The following SMAD2 variants were observed in gnomAD, a reference collection of about 807,000 sequenced individuals.
SMAD2 encodes the protein SMAD family member 2, also known as MAD homolog 2.
In SMAD2, 8 loss-of-function variants were observed where a neutral mutation model predicts 64.4. The observed-to-expected ratio is 0.12, with a 90% CI of 0.07 to 0.22. The LOEUF is 0.22. Ranked by LOEUF, SMAD2 falls within the 10% of genes least tolerant of loss-of-function variation. The pLI, the probability that SMAD2 is intolerant of heterozygous loss-of-function variation, is 1.00. For missense variants in SMAD2, 289 were observed against 561.2 expected (o/e 0.51, Z 4.90); for synonymous variants, 203 against 195.8 (o/e 1.04, Z -0.31).
intron 1 of SMAD2, among the ~76,000 whole-genome samples, chr18:47,922,134 A>C (rs1456400384): frequency 6.6e-6 from 1 of 152,254 alleles, no homozygotes; most frequent in Non-Finnish European, 1.5e-5. Context: ...TTTAAAAGGT[A>C]TGGAGGGAAG....
In SMAD2 at chr18:47,809,389, A is replaced by C. The variant is rs773641013; in HGVS notation, c.*32438T>G. On this transcript the variant is annotated 3_prime_UTR_variant, in exon 11 of 11. Transcript: ENST00000262160. ...TGGGGATGGTATTCTATATCCCTCC[A>C]ATCTGGAACTGGAACCAGGTAGAGA... The C allele has an allele frequency of 6.6e-6, 1 of 152,418 alleles. No homozygotes were observed. The highest frequency in any genetic ancestry group is 1.5e-5 in the Non-Finnish European group (1 of 68,210). The allele number at this position is 152,418 out of a possible 1,614,324, so 9.4% of individuals were successfully genotyped here. A position where few individuals can be genotyped will look rare whatever the true frequency, so the allele number is the denominator to read the frequency against.
chr18:47,897,797 T>C (rs1350119610), intron 1 of SMAD2, among the ~76,000 whole-genome samples: 1 of 152,154 alleles, frequency 6.6e-6, no homozygotes, highest in Non-Finnish European at 1.5e-5. Context: ...TTAAAAATTG[T>C]TTCGCTCCAG....
chr18:47,848,367 G>A lies in SMAD2; in HGVS notation c.997+108C>T, dbSNP rs191981331. 83 of 830,802 alleles carry A rather than the reference G, an allele frequency of 1.0e-4. No individual in the cohort carries two copies. The East Asian group carries it at 2.0e-3, about 20-fold the overall frequency. The allele number at this position is 830,802 out of a possible 1,614,324, so 51.5% of individuals were successfully genotyped here. A position where few individuals can be genotyped will look rare whatever the true frequency, so the allele number is the denominator to read the frequency against. On this transcript the variant is annotated intron_variant, in intron 8 of 10. Coordinates refer to ENST00000262160, the MANE Select transcript of SMAD2 (RefSeq NM_005901.6). ...ATGTGTCGGCACTTAAACCACCAGAGAGAAAGCTGGTTTTACTGCACACAA... is the reference window on the plus strand; with the variant it reads ...ATGTGTCGGCACTTAAACCACCAGAAAGAAAGCTGGTTTTACTGCACACAA...
chr18:47,875,007 T>C (rs1287429716), intron 2 of SMAD2, among the ~76,000 whole-genome samples: 3 of 152,152 alleles, frequency 2.0e-5, no homozygotes, highest in African/African-American at 7.2e-5. Context: ...TTACTTCCTA[T>C]ACTGCATCAT....
At position 47,829,384 on chromosome 18, in the gene SMAD2, T is replaced by C. The variant is rs1912898858; in HGVS notation, c.*12443A>G. On this transcript the variant is annotated 3_prime_UTR_variant, in exon 11 of 11. Coordinates refer to ENST00000262160, the MANE Select transcript of SMAD2 (RefSeq NM_005901.6). The stretch of plus-strand genomic sequence containing the variant: ...TTCTGTATCTCTAAAACATTGTCTC[T>C]AGACCTCAGCAAAAAAAAAAAAGCA... The C allele has an allele frequency of 6.6e-6, 1 of 151,034 alleles. No homozygotes were observed. The highest frequency in any genetic ancestry group is 2.4e-5 in the African/African-American group (1 of 40,886). 9.4% of individuals were successfully genotyped at this position (151,034 alleles called of 1,614,324 possible).
At chr18:47,908,704 T>C (rs1283606617) in intron 1 of SMAD2, among the ~76,000 whole-genome samples, 1 of 152,232 alleles carries the variant, frequency 6.6e-6, no homozygotes, top group African/African-American at 2.4e-5. Context: ...ACTACTGTAA[T>C]AATTTCATCG....
chr18:47,819,668 C>G lies in SMAD2; in HGVS notation c.*22159G>C, dbSNP rs1295775285. The G allele has an allele frequency of 6.6e-6, 1 of 152,018 alleles. No individual in the cohort carries two copies. The highest frequency in any genetic ancestry group is 1.5e-5 in the Non-Finnish European group (1 of 68,058). 9.4% of individuals were successfully genotyped at this position (152,018 alleles called of 1,614,324 possible). A position where few individuals can be genotyped will look rare whatever the true frequency, so the allele number is the denominator to read the frequency against. On this transcript the variant is annotated 3_prime_UTR_variant, in exon 11 of 11. Coordinates refer to ENST00000262160, the MANE Select transcript of SMAD2 (RefSeq NM_005901.6). ...AAAATTGGCTGGGCGCGGTGGCGGG[C>G]GCCTGTAGTCCCAGCTACTCGGGAG...
upstream of SMAD2, chr18:47,930,852 G>C (rs1845584552): frequency 6.7e-6 from 1 of 149,252 alleles, no homozygotes; most frequent in African/African-American, 2.4e-5. Flanking sequence ...CGCCGCCGCG[G>C]CCGCGCGGGT....
At chr18:47,916,194 G>A (rs1243395309) in intron 1 of SMAD2, among the ~76,000 whole-genome samples, 1 of 152,056 alleles carries the variant, frequency 6.6e-6, no homozygotes, top group Non-Finnish European at 1.5e-5. Context: ...ATGTTCTTTG[G>A]TGAGAATGCA....
At chr18:47,872,440 A>T (rs1461846236) in intron 2 of SMAD2, among the ~76,000 whole-genome samples, 4 of 152,232 alleles carry the variant, frequency 2.6e-5, no homozygotes, top group Non-Finnish European at 5.9e-5. Context: ...TGAAAAATAC[A>T]AAATTTAAAA....
intron 1 of SMAD2, among the ~76,000 whole-genome samples, chr18:47,914,925 C>T (rs12968493): frequency 0.44 from 66,505 of 151,876 alleles, 15,557 homozygotes; most frequent in East Asian, 0.59. Context: ...TCAAGTACTC[C>T]GACTATGCAA....
At position 47,822,811 on chromosome 18, in the gene SMAD2, G is replaced by A. The variant is rs534064586; in HGVS notation, c.*19016C>T. 30 of 152,278 alleles carry A rather than the reference G, an allele frequency of 2.0e-4. No homozygotes were observed. The highest frequency in any genetic ancestry group is 6.0e-4 in the African/African-American group (25 of 41,558). 9.4% of individuals were successfully genotyped at this position (152,278 alleles called of 1,614,324 possible). On this transcript the variant is annotated 3_prime_UTR_variant, in exon 11 of 11. Coordinates refer to ENST00000262160, the MANE Select transcript of SMAD2 (RefSeq NM_005901.6). ...TCTGTCTCAGCCTCCCAAGTAGCTG[G>A]GACTACAGGCATGCACCACCACACC...
chr18:47,886,640 A>C (rs1260533992), intron 2 of SMAD2, among the ~76,000 whole-genome samples: 1 of 151,926 alleles, frequency 6.6e-6, no homozygotes, highest in Non-Finnish European at 1.5e-5. Context: ...CAAAGTTCTA[A>C]AAGACAAAAG....
chr18:47,915,266 G>C (rs2034288935), intron 1 of SMAD2, among the ~76,000 whole-genome samples: 1 of 152,240 alleles, frequency 6.6e-6, no homozygotes, highest in South Asian at 2.1e-4. Context: ...TCATTTAACA[G>C]TTTTGCTACA....
intron 1 of SMAD2, chr18:47,923,596 A>G (rs1227139160): frequency 6.6e-6 from 1 of 152,132 alleles, no homozygotes; most frequent in African/African-American, 2.4e-5. Flanking sequence ...TACAGCAAAA[A>G]TTTCTCCAAG....
At chr18:47,845,893 T>G in intron 8 of SMAD2, 93 bp from the exon 9 acceptor site, 2 of 1,124,694 alleles carry the variant, frequency 1.8e-6, no homozygotes, top group Admixed American at 1.7e-5. Flanking sequence ...TAAAATGATA[T>G]AAGGTATTTC....
intron 1 of SMAD2, among the ~76,000 whole-genome samples, chr18:47,907,541 C>T (rs574518165): frequency 3.3e-5 from 5 of 152,306 alleles, no homozygotes; most frequent in South Asian, 4.1e-4. Flanking sequence ...TACCTTTCTA[C>T]GGTGACAAAA....
intron 10 of SMAD2, chr18:47,845,135 G>T: frequency 1.5e-6 from 1 of 648,842 alleles, no homozygotes; most frequent in Non-Finnish European, 2.7e-6. Flanking sequence ...ATGCACGCCT[G>T]TGCATGTTTT....
At chr18:47,872,404 T>C (rs1268729396) in intron 2 of SMAD2, among the ~76,000 whole-genome samples, 1 of 152,046 alleles carries the variant, frequency 6.6e-6, no homozygotes, top group Non-Finnish European at 1.5e-5. Flanking sequence ...AATAAGTAAA[T>C]TTTTAAAACT....
Sources: gnomAD v4.1 joint callset for allele counts (sites outside exome capture counted in the v4.1 genomes callset) on GRCh38, gnomAD v4.1.1 for gene constraint, MANE v1.5 for transcripts, NCBI Gene and HGNC (gene_info 2026-07-23, HGNC 2026-07-21) for gene names.